The following MRPS28 variants were observed in gnomAD, a reference collection of about 807,000 sequenced individuals.
MRPS28 encodes the protein mitochondrial ribosomal protein S28.
A neutral mutation model predicts 10.8 loss-of-function variants in MRPS28; 7 were observed. The ratio of observed to expected loss-of-function variants is 0.65; its 90% CI spans 0.37 to 1.22. MRPS28 has a LOEUF of 1.22. Among genes scored for constraint, MRPS28 ranks in the 50% most tolerant of loss-of-function variants. MRPS28 has a pLI of 0.02. For synonymous variants in MRPS28, 121 were observed against 93.3 expected (o/e 1.30, Z -1.71); for missense variants, 265 against 232.9 (o/e 1.14, Z -0.90).
intron 2 of MRPS28, among the ~76,000 whole-genome samples, chr8:79,972,118 A>G (rs1156832706): frequency 2.0e-5 from 3 of 152,234 alleles, no homozygotes; most frequent in Non-Finnish European, 2.9e-5. Context: ...GTCAACCACA[A>G]ATAGAAAATA....
At chr8:79,954,385 AG>A (rs1316035096) in intron 2 of MRPS28, among the ~76,000 whole-genome samples, 129 of 152,242 alleles carry the variant, frequency 8.5e-4, no homozygotes, top group African/African-American at 2.7e-3. Flanking sequence ...TGTTCCAAAA[AG>A]GGGGAAACAG....
At chr8:79,926,825 T>G (rs1810245561) in intron 2 of MRPS28, among the ~76,000 whole-genome samples, 1 of 152,178 alleles carries the variant, frequency 6.6e-6, no homozygotes, top group Non-Finnish European at 1.5e-5. Context: ...TTGTTTTTCT[T>G]AAAAAGAAAA....
intron 1 of MRPS28, among the ~76,000 whole-genome samples, chr8:80,006,792 C>T (rs1322331372): frequency 7.8e-4 from 111 of 141,578 alleles, no homozygotes; most frequent in South Asian, 1.1e-3. Flanking sequence ...GCCTACCAAC[C>T]AAAAAAAGTC....
Position 79,922,105 on chromosome 8 carries a change from T to C in MRPS28, c.396-2957A>G, listed in dbSNP as rs1418668731. On this transcript the variant is annotated intron_variant, in intron 2 of 2. Transcript: ENST00000276585. Reference sequence around the variant, plus strand: ...CGTTTATTGATTTGCTAAAACTTTATTTTAAAGTAAAATTTTACGAAAGCA... The same window carrying C: ...CGTTTATTGATTTGCTAAAACTTTACTTTAAAGTAAAATTTTACGAAAGCA... Among the ~76,000 whole-genome samples, 10 of 152,248 alleles carry C rather than the reference T, an allele frequency of 6.6e-5. No homozygotes were observed. In the South Asian group the frequency reaches 2.1e-3, roughly 32 times the overall value.
chr8:79,938,745 GCTAC>G lies in MRPS28; in HGVS notation c.396-19601_396-19598del, dbSNP rs533966410. ...AATTCTGTTGCAAGTCTGTCAAAAA[GCTAC>G]CTTAGACTGTCAAATATACAGACCA... On this transcript the variant is annotated intron_variant, in intron 2 of 2. Transcript: ENST00000276585. Among the ~76,000 whole-genome samples the G allele has an allele frequency of 1.4e-3, 217 of 152,244 alleles. 3 individuals carry two copies. The highest frequency in any genetic ancestry group is 2.9e-3 in the Admixed American group (44 of 15,298).
At chr8:79,936,248 G>T (rs1806601347) in intron 2 of MRPS28, among the ~76,000 whole-genome samples, 1 of 151,908 alleles carries the variant, frequency 6.6e-6, no homozygotes, top group Non-Finnish European at 1.5e-5. Flanking sequence ...GATACTTTGA[G>T]CCCAGGAGTT....
chr8:79,958,226 T>C, intron 2 of MRPS28: 1 of 575,458 alleles, frequency 1.7e-6, no homozygotes, highest in Non-Finnish European at 3.0e-6. Context: ...GATTTGTCTA[T>C]TCTGAACATT....
intron 2 of MRPS28, among the ~76,000 whole-genome samples, chr8:79,977,088 A>T (rs890229344): frequency 5.9e-5 from 9 of 152,242 alleles, no homozygotes; most frequent in Non-Finnish European, 1.2e-4. Context: ...AATGAAAAAA[A>T]TGCTACACAA....
intron 2 of MRPS28, among the ~76,000 whole-genome samples, chr8:79,928,180 A>C (rs1179704961): frequency 6.6e-6 from 1 of 151,788 alleles, no homozygotes; most frequent in East Asian, 1.9e-4. Context: ...AAAAATTAAA[A>C]ATTAGCCAGG....
intron 2 of MRPS28, among the ~76,000 whole-genome samples, chr8:79,986,270 T>C (rs1808167607): frequency 6.6e-6 from 1 of 152,224 alleles, no homozygotes; most frequent in Admixed American, 6.5e-5. Flanking sequence ...TGATGGGATG[T>C]ATCTCAAAAT....
At chr8:79,981,989 T>C (rs1231782443) in intron 2 of MRPS28, among the ~76,000 whole-genome samples, 1 of 152,116 alleles carries the variant, frequency 6.6e-6, no homozygotes, top group Non-Finnish European at 1.5e-5. Context: ...CTCATGCCTG[T>C]AATCCCAGCA....
chr8:79,943,308 CGAA>C (rs983668044), intron 2 of MRPS28, among the ~76,000 whole-genome samples: 1 of 152,132 alleles, frequency 6.6e-6, no homozygotes, highest in African/African-American at 2.4e-5. Context: ...CTACAAGAGC[CGAA>C]GAAGGAATAC....
chr8:79,984,511 C>T (rs56287537), intron 2 of MRPS28, among the ~76,000 whole-genome samples: 3,613 of 152,200 alleles, frequency 0.024, 91 homozygotes, highest in African/African-American at 0.06. Flanking sequence ...CCCATCAGTG[C>T]GCTGTATTCA....
intron 2 of MRPS28, among the ~76,000 whole-genome samples, chr8:79,955,177 C>T (rs1807174563): frequency 6.6e-6 from 1 of 152,188 alleles, no homozygotes; most frequent in Admixed American, 6.6e-5. Context: ...CCTTGGATTT[C>T]ACCTTTGCTC....
intron 2 of MRPS28, among the ~76,000 whole-genome samples, chr8:79,999,621 C>T (rs1188370128): frequency 1.3e-5 from 2 of 152,096 alleles, no homozygotes; most frequent in African/African-American, 4.8e-5. Context: ...ATGAAATTTG[C>T]TATGTTAAAA....
At chr8:79,970,335 A>T (rs892524074) in intron 2 of MRPS28, among the ~76,000 whole-genome samples, 5 of 152,130 alleles carry the variant, frequency 3.3e-5, no homozygotes, top group Non-Finnish European at 4.4e-5. Flanking sequence ...CCCAAGAAGA[A>T]TTTTTTTAAA....
intron 2 of MRPS28, among the ~76,000 whole-genome samples, chr8:79,973,757 G>C (rs540850583): frequency 1.3e-5 from 2 of 151,668 alleles, no homozygotes; most frequent in South Asian, 2.1e-4. Flanking sequence ...ACAGCAGCAG[G>C]TAGACAAGTG....
intron 1 of MRPS28, among the ~76,000 whole-genome samples, chr8:80,016,835 T>C (rs967567520): frequency 7.2e-5 from 11 of 151,908 alleles, no homozygotes; most frequent in Admixed American, 6.6e-4. Context: ...CAAGGAAAAA[T>C]AGATGAATCA....
chr8:79,932,559 A>C (rs560042940), intron 2 of MRPS28, among the ~76,000 whole-genome samples: 7 of 152,322 alleles, frequency 4.6e-5, no homozygotes, highest in Non-Finnish European at 5.9e-5. Context: ...ACACCAAAGT[A>C]AACGGTTTGG....
Sources: gnomAD v4.1 joint callset for allele counts (sites outside exome capture counted in the v4.1 genomes callset) on GRCh38, gnomAD v4.1.1 for gene constraint, MANE v1.5 for transcripts, NCBI Gene and HGNC (gene_info 2026-07-23, HGNC 2026-07-21) for gene names.